The following DUXA variants were observed in gnomAD, a reference collection of about 807,000 sequenced individuals.
DUXA encodes the protein double homeobox A, also known as double homeobox protein A.
DUXA carries 25 observed loss-of-function variants against 27.5 expected under a neutral mutation model. The ratio of observed to expected loss-of-function variants is 0.91; its 90% CI spans 0.66 to 1.27. DUXA has a LOEUF of 1.27. Among genes scored for constraint, DUXA ranks in the 50% most tolerant of loss-of-function variants. The pLI, the probability that DUXA is intolerant of heterozygous loss-of-function variation, is 0.00. For synonymous variants in DUXA, 90 were observed against 80.5 expected, an observed-to-expected ratio of 1.12 and a Z score of -0.63; for missense variants, 247 against 242.9, an observed-to-expected ratio of 1.02 and a Z score of -0.11.
At chr19:57,165,320 A>ATATATATATATATATATATATATATAT (rs1380503736) in intron 1 of DUXA, among the ~76,000 whole-genome samples, 3 of 96,630 alleles carry the variant, frequency 3.1e-5, no homozygotes, top group Admixed American at 1.1e-4. Flanking sequence ...AAAAAAAAAA[A>ATATATATATATATATATATATATATAT]AAAAATATAT....
chr19:57,160,219 C>T (rs1357428627), intron 2 of DUXA, among the ~76,000 whole-genome samples: 4 of 152,194 alleles, frequency 2.6e-5, no homozygotes, highest in Non-Finnish European at 5.9e-5. Context: ...CTTGATTGTG[C>T]CCCTGCACTC....
intron 1 of DUXA, among the ~76,000 whole-genome samples, chr19:57,165,323 AAATAT>A (rs1251371304): frequency 7.8e-4 from 70 of 89,864 alleles, no homozygotes; most frequent in African/African-American, 1.4e-3. Context: ...AAAAAAAAAA[AAATAT>A]ATATATATAT....
chr19:57,163,273 C>T (rs779411778), intron 1 of DUXA, among the ~76,000 whole-genome samples: 3 of 151,986 alleles, frequency 2.0e-5, no homozygotes, highest in Non-Finnish European at 4.4e-5. Flanking sequence ...CAGTCCACAC[C>T]CCATGCTATG....
At chr19:57,166,348 T>G (rs2087054604) in intron 1 of DUXA, among the ~76,000 whole-genome samples, 1 of 152,242 alleles carries the variant, frequency 6.6e-6, no homozygotes, top group South Asian at 2.1e-4. Context: ...TCTCGCTCTC[T>G]GGCCCAGGCT....
intron 1 of DUXA, among the ~76,000 whole-genome samples, chr19:57,161,467 C>CA (rs1026651678): frequency 1.4e-5 from 2 of 147,074 alleles, no homozygotes; most frequent in African/African-American, 5.3e-5. Context: ...ACTAAAAATA[C>CA]AAAAAATTAG....
chr19:57,155,127 A>G (rs1257249501), intron 5 of DUXA, 140 bp downstream of exon 5: 1 of 705,850 alleles, frequency 1.4e-6, no homozygotes, highest in Non-Finnish European at 2.4e-6. Context: ...GGGGACTGTG[A>G]GCAACCCCAT....
At chr19:57,158,502 G>A (rs374968571) in intron 3 of DUXA, 29 bp from the exon 4 acceptor site, 2 of 1,606,716 alleles carry the variant, frequency 1.2e-6, no homozygotes, top group Non-Finnish European at 1.7e-6. Context: ...GATGGAGGGG[G>A]GCGGTCAAGG....
At chr19:57,164,771 C>T (rs1599933031) in intron 1 of DUXA, among the ~76,000 whole-genome samples, 1 of 151,972 alleles carries the variant, frequency 6.6e-6, no homozygotes, top group East Asian at 1.9e-4. Flanking sequence ...GTATGAAGCA[C>T]AGGGTTTGAT....
chr19:57,162,082 C>T (rs180972106), intron 1 of DUXA, among the ~76,000 whole-genome samples: 26 of 151,990 alleles, frequency 1.7e-4, no homozygotes, highest in Admixed American at 5.3e-4. Context: ...GATAGAGTTT[C>T]GCCACGTTGT....
chr19:57,166,459 A>G (rs550199178), intron 1 of DUXA, among the ~76,000 whole-genome samples: 3 of 152,180 alleles, frequency 2.0e-5, no homozygotes, highest in South Asian at 2.1e-4. Flanking sequence ...ACAGGCGCCC[A>G]CCACCACGCC....
In DUXA at chr19:57,163,429, A is replaced by G. The variant is rs1445145193; in HGVS notation, c.26-2632T>C. 2.1e-5 allele frequency among the ~76,000 whole-genome samples: 3 copies of G among 143,650 alleles called. No individual in the cohort carries two copies. In the Admixed American group the frequency reaches 2.2e-4, roughly 11 times the overall value. The allele number at this position is 143,650 out of a possible 152,430, so 94.2% of individuals were successfully genotyped here. A position where few individuals can be genotyped will look rare whatever the true frequency, so the allele number is the denominator to read the frequency against. On this transcript the variant is annotated intron_variant, in intron 1 of 5. Transcript: ENST00000554048. ...CACCCAAAGTGCTGGAATTACAGGA[A>G]AGAGTCACATCCTCTCTCTTTTTTT...
intron 1 of DUXA, among the ~76,000 whole-genome samples, chr19:57,163,385 A>G (rs900500444): frequency 5.5e-4 from 84 of 151,712 alleles, no homozygotes; most frequent in African/African-American, 2.0e-3. Flanking sequence ...GCCTCCCCAT[A>G]CAATCCTCCC....
intron 4 of DUXA, 135 bp from the exon 5 acceptor site, chr19:57,155,507 A>G (rs1482957300): frequency 9.0e-6 from 6 of 668,414 alleles, no homozygotes; most frequent in African/African-American, 1.8e-5. Context: ...ACAGCTGTGC[A>G]TCATCACCTT....
chr19:57,160,432 C>T (rs533912921), intron 2 of DUXA, among the ~76,000 whole-genome samples: 5 of 152,372 alleles, frequency 3.3e-5, no homozygotes, highest in Admixed American at 6.5e-5. Flanking sequence ...TACGCCTACA[C>T]GTGTTCTCTC....
At chr19:57,158,579 C>T (rs537538089) in intron 3 of DUXA, 106 bp from the exon 4 acceptor site, 178 of 1,370,600 alleles carry the variant, frequency 1.3e-4, no homozygotes, top group African/African-American at 6.0e-4. Context: ...CCTCCAATTT[C>T]GATCCCACTG....
chr19:57,160,745 C>G lies in DUXA; in HGVS notation c.78G>C (p.Gln26His), dbSNP rs1432478086. Residue 26 changes from glutamine (Q) to histidine (H), a missense_variant, in exon 2 of 6, where the codon CAG becomes CAC. Gln to His is a conservative substitution (Grantham distance 24). Transcript: ENST00000554048. ...RRCRTKFTEEQLKILINTFNQ... is the reference protein window; with the variant it reads ...RRCRTKFTEEHLKILINTFNQ... ...TGAAGGTATTGATGAGGATTTTCAA[C>G]TGTTCTTCTGTGAATTTTGTGCGAC... 1 of 1,614,182 alleles carries G rather than the reference C, an allele frequency of 6.2e-7. No homozygotes were observed. Among genetic ancestry groups the G allele is most frequent in the East Asian group, 2.2e-5 (1 of 44,880 alleles).
chr19:57,155,546 C>T (rs1031051333), intron 4 of DUXA, among the ~76,000 whole-genome samples, 174 bp from the exon 5 acceptor site: 2 of 151,648 alleles, frequency 1.3e-5, no homozygotes, highest in African/African-American at 2.4e-5. Context: ...TTTGTAGAGA[C>T]GAGGTTTCAC....
intron 4 of DUXA, among the ~76,000 whole-genome samples, chr19:57,158,119 C>T (rs2087001366): frequency 6.6e-6 from 1 of 152,186 alleles, no homozygotes; most frequent in Admixed American, 6.5e-5. Context: ...AGGAATACAA[C>T]ATTGCTCAAG....
At chr19:57,160,083 C>T (rs1433074319) in intron 2 of DUXA, among the ~76,000 whole-genome samples, 1 of 151,960 alleles carries the variant, frequency 6.6e-6, no homozygotes, top group Admixed American at 6.6e-5. Flanking sequence ...CCAGCTTGGA[C>T]GACACAGCGA....
Sources: gnomAD v4.1 joint callset for allele counts (sites outside exome capture counted in the v4.1 genomes callset) on GRCh38, gnomAD v4.1.1 for gene constraint, MANE v1.5 for transcripts, NCBI Gene and HGNC (gene_info 2026-07-23, HGNC 2026-07-21) for gene names.